Variants in OR2A12 observed in about 807,000 individuals in gnomAD.
OR2A12 encodes the protein olfactory receptor family 2 subfamily A member 12.
For missense variants in OR2A12, 380 were observed against 372.5 expected (o/e 1.02, Z -0.17); for synonymous variants, 153 against 149.3 (o/e 1.02, Z -0.18).
intron 1 of OR2A12, among the ~76,000 whole-genome samples, 196 bp downstream of exon 1, chr7:144,086,739 A>G (rs2051190306): frequency 6.6e-6 from 1 of 152,182 alleles, no homozygotes; most frequent in Non-Finnish European, 1.5e-5. Context: ...TTTCCTGTGC[A>G]TTCAAGGGCA....
chr7:144,093,051 T>G (rs1395128200), intron 1 of OR2A12, among the ~76,000 whole-genome samples: 2 of 99,044 alleles, frequency 2.0e-5, no homozygotes, highest in African/African-American at 4.6e-5. Context: ...TTAGAATTTA[T>G]TTTTTATTTA....
intron 1 of OR2A12, among the ~76,000 whole-genome samples, chr7:144,087,317 C>G (rs1474332639): frequency 2.0e-5 from 3 of 152,142 alleles, no homozygotes; most frequent in Non-Finnish European, 2.9e-5. Context: ...GATTTCTCTC[C>G]TATTTCTTCT....
In OR2A12 at chr7:144,095,126, T is replaced by C; in HGVS notation, c.19T>C (p.Trp7Arg). ...CGAGAACATGGAAAGCAATCAGACCTGGATCACAGAAGTCATCCTGTTGGG... is the reference window on the plus strand; with the variant it reads ...CGAGAACATGGAAAGCAATCAGACCCGGATCACAGAAGTCATCCTGTTGGG... MESNQT[W>R]ITEVILLGFQ... is the part of the protein sequence containing the mutation. Residue 7 changes from tryptophan to arginine, a missense_variant, in exon 2 of 2, where the codon TGG becomes CGG. Trp to Arg is a moderately radical substitution (Grantham distance 101). Coordinates refer to ENST00000641592, the MANE Select transcript of OR2A12 (RefSeq NM_001004135.2). The C allele has an allele frequency of 5.6e-6, 9 of 1,609,388 alleles. No individual in the cohort carries two copies. The highest frequency in any genetic ancestry group is 7.6e-6 in the Non-Finnish European group (9 of 1,177,826).
In OR2A12 at chr7:144,098,883, ACTTT is replaced by A. The variant is rs552793018; in HGVS notation, c.*2850_*2853del. On this transcript the variant is annotated 3_prime_UTR_variant, in exon 2 of 2. Coordinates refer to ENST00000641592, the MANE Select transcript of OR2A12 (RefSeq NM_001004135.2). Reference sequence around the variant, plus strand: ...AAGTTATCAGGATCATTGAAGGAGGACTTTCTTTCTCTCTTTCTTCCTTTCTTTC... The same window carrying A: ...AAGTTATCAGGATCATTGAAGGAGGACTTTCTCTCTTTCTTCCTTTCTTTC... 1.1e-4 allele frequency: 16 copies of A among 151,830 alleles called. No homozygotes were observed. The highest frequency in any genetic ancestry group is 1.9e-4 in the Non-Finnish European group (13 of 67,892). The allele number at this position is 151,830 out of a possible 1,614,324, so 9.4% of individuals were successfully genotyped here.
chr7:144,091,292 G>A (rs2051225741), intron 1 of OR2A12, among the ~76,000 whole-genome samples: 1 of 152,246 alleles, frequency 6.6e-6, no homozygotes, highest in African/African-American at 2.4e-5. Context: ...TCAGGAGGCT[G>A]AGGCAAGAGA....
intron 1 of OR2A12, among the ~76,000 whole-genome samples, chr7:144,088,278 C>T (rs1052617952): frequency 6.6e-6 from 1 of 152,186 alleles, no homozygotes; most frequent in African/African-American, 2.4e-5. Flanking sequence ...TCCCAAAGTG[C>T]TGGGATTACA....
In OR2A12 at chr7:144,098,530, A is replaced by G. The variant is rs1479758034; in HGVS notation, c.*2490A>G. On this transcript the variant is annotated 3_prime_UTR_variant, in exon 2 of 2. Coordinates refer to ENST00000641592, the MANE Select transcript of OR2A12 (RefSeq NM_001004135.2). Reference sequence around the variant, plus strand: ...AGATCGAGGAACACAGAGGTTGAGTAACTTACCCTGAGTCATTGAGTTAGC... The same window carrying G: ...AGATCGAGGAACACAGAGGTTGAGTGACTTACCCTGAGTCATTGAGTTAGC... 1 of 152,182 alleles carries G rather than the reference A, an allele frequency of 6.6e-6. No individual in the cohort carries two copies. The highest frequency in any genetic ancestry group is 1.5e-5 in the Non-Finnish European group (1 of 68,022). 9.4% of individuals were successfully genotyped at this position (152,182 alleles called of 1,614,324 possible). A position where few individuals can be genotyped will look rare whatever the true frequency, so the allele number is the denominator to read the frequency against.
At chr7:144,094,133 T>C (rs2051245594) in intron 1 of OR2A12, among the ~76,000 whole-genome samples, 1 of 152,136 alleles carries the variant, frequency 6.6e-6, no homozygotes, top group Non-Finnish European at 1.5e-5. Context: ...GGAGAAGTTT[T>C]TGTTTTTATT....
intron 1 of OR2A12, among the ~76,000 whole-genome samples, chr7:144,090,612 C>T (rs1444260041): frequency 6.6e-6 from 1 of 152,074 alleles, no homozygotes; most frequent in Non-Finnish European, 1.5e-5. Context: ...GTTTGTGGTA[C>T]AGATTATTTC....
rs555296359 is a variant in OR2A12 at position 144,095,805 on chromosome 7, G to T, written c.698G>T (p.Arg233Leu). 1 of 1,614,072 alleles carries T rather than the reference G, an allele frequency of 6.2e-7. No homozygotes were observed. The highest frequency in any genetic ancestry group is 8.5e-7 in the Non-Finnish European group (1 of 1,180,010). Residue 233 changes from arginine to leucine, a missense_variant, in exon 2 of 2, where the codon CGC (arginine) becomes CTC (leucine). Transcript: ENST00000641592. ...TTGAGGATCCAGTCTGGGGAGGGCC[G>T]CAGAAAGGCCTTCTCTACCTGCTCC... ...AILRIQSGEGRRKAFSTCSSH... is the reference protein window; with the variant it reads ...AILRIQSGEGLRKAFSTCSSH...
Position 144,095,143 on chromosome 7 carries a change from C to A in OR2A12, c.36C>A (p.Ile12=), listed in dbSNP as rs772072082. The A allele has an allele frequency of 6.2e-7, 1 of 1,612,630 alleles. No homozygotes were observed. The highest frequency in any genetic ancestry group is 1.7e-5 in the Admixed American group (1 of 59,906). The change falls in exon 2 of 2, where the codon ATC becomes ATA. Residue 12 remains isoleucine (I), a synonymous_variant. Transcript: ENST00000641592. Reference sequence around the variant, plus strand: ...ATCAGACCTGGATCACAGAAGTCATCCTGTTGGGATTCCAGGTGGACCCAG... The same window carrying A: ...ATCAGACCTGGATCACAGAAGTCATACTGTTGGGATTCCAGGTGGACCCAG... ...ESNQTWITEV[I]LLGFQVDPAL... is the part of the protein sequence containing the mutation.
intron 1 of OR2A12, among the ~76,000 whole-genome samples, chr7:144,090,485 C>T (rs922195753): frequency 6.6e-6 from 1 of 151,526 alleles, no homozygotes. Context: ...AATTTTAAAC[C>T]GATGTCAGTC....
rs752369393 is a variant in OR2A12 at position 144,096,311 on chromosome 7, C to T, written c.*271C>T. 5.8e-5 allele frequency: 13 copies of T among 225,736 alleles called. No individual in the cohort carries two copies. Among genetic ancestry groups the T allele is most frequent in the Admixed American group, 3.1e-4 (6 of 19,424 alleles). The allele number at this position is 225,736 out of a possible 1,614,324, so 14.0% of individuals were successfully genotyped here. On this transcript the variant is annotated 3_prime_UTR_variant, in exon 2 of 2. Transcript: ENST00000641592. ...CTCTATTAAAAATACAAAAATTAGCCGGGCGTGCTGGTGGGCGCCTGTAAT... is the reference window on the plus strand; with the variant it reads ...CTCTATTAAAAATACAAAAATTAGCTGGGCGTGCTGGTGGGCGCCTGTAAT...
chr7:144,087,558 C>T (rs1413756794), intron 1 of OR2A12, among the ~76,000 whole-genome samples: 3 of 152,178 alleles, frequency 2.0e-5, no homozygotes, highest in Non-Finnish European at 4.4e-5. Flanking sequence ...TATCTGGCAA[C>T]ACATTAAGTG....
chr7:144,096,081 C>A lies in OR2A12; in HGVS notation c.*41C>A. ...ATCCTGAGTGTGTAAGCATGGTTCT[C>A]ATGACCCTGGGTCCTGAAATTTCCT... On this transcript the variant is annotated 3_prime_UTR_variant, in exon 2 of 2. Coordinates refer to ENST00000641592, the MANE Select transcript of OR2A12 (RefSeq NM_001004135.2). 7.1e-7 allele frequency: 1 copy of A among 1,417,912 alleles called. No homozygotes were observed. The highest frequency in any genetic ancestry group is 1.3e-5 in the South Asian group (1 of 74,464). 87.8% of individuals were successfully genotyped at this position (1,417,912 alleles called of 1,614,324 possible).
chr7:144,086,943 T>C (rs887627879), intron 1 of OR2A12, among the ~76,000 whole-genome samples: 2 of 152,164 alleles, frequency 1.3e-5, no homozygotes, highest in African/African-American at 2.4e-5. Flanking sequence ...CAGAGTAACA[T>C]CTGATACTTA....
chr7:144,092,111 G>C (rs12703571), intron 1 of OR2A12, among the ~76,000 whole-genome samples: 32,377 of 152,004 alleles, frequency 0.21, 4,070 homozygotes, highest in African/African-American at 0.34. Flanking sequence ...AATAGGGAGT[G>C]CTTTCCCCAT....
intron 1 of OR2A12, among the ~76,000 whole-genome samples, chr7:144,089,023 T>G (rs1446578784): frequency 6.6e-6 from 1 of 152,188 alleles, no homozygotes; most frequent in Non-Finnish European, 1.5e-5. Flanking sequence ...CACCTTATAT[T>G]CTAATGCAAG....
Position 144,095,077 on chromosome 7 carries a change from G to C in OR2A12, c.-31G>C. 6.8e-7 allele frequency: 1 copy of C among 1,464,302 alleles called. No homozygotes were observed. Among genetic ancestry groups the C allele is most frequent in the East Asian group, 2.3e-5 (1 of 44,134 alleles). The allele number at this position is 1,464,302 out of a possible 1,614,324, so 90.7% of individuals were successfully genotyped here. A position where few individuals can be genotyped will look rare whatever the true frequency, so the allele number is the denominator to read the frequency against. On this transcript the variant is annotated 5_prime_UTR_variant, in exon 2 of 2. Coordinates refer to ENST00000641592, the MANE Select transcript of OR2A12 (RefSeq NM_001004135.2). Reference sequence around the variant, plus strand: ...ATTAGCTGTGAAATTTCTGTCTTAAGTACATCACAAGATTTTTCTGTCACG... The same window carrying C: ...ATTAGCTGTGAAATTTCTGTCTTAACTACATCACAAGATTTTTCTGTCACG...
Sources: gnomAD v4.1 joint callset for allele counts (sites outside exome capture counted in the v4.1 genomes callset) on GRCh38, gnomAD v4.1.1 for gene constraint, MANE v1.5 for transcripts, NCBI Gene and HGNC (gene_info 2026-07-23, HGNC 2026-07-21) for gene names.